DPP6: variants seen among roughly 807,000 people sequenced by gnomAD.
DPP6 encodes the protein dipeptidyl peptidase like 6.
A neutral mutation model predicts 122.6 loss-of-function variants in DPP6; 69 were observed. The observed-to-expected ratio is 0.56, with a 90% CI of 0.46 to 0.69. DPP6 has a LOEUF of 0.69. DPP6 is among the 30% of genes least tolerant of loss of function. The pLI is 0.00. For missense variants in DPP6, 928 were observed against 1,116.9 expected (o/e 0.83, Z 2.41); for synonymous variants, 418 against 433.1 (o/e 0.97, Z 0.43).
At chr7:153,784,496 T>C in the DPP6 span, among the ~76,000 whole-genome samples, 1 of 152,236 alleles carries the variant, frequency 6.6e-6, no homozygotes, top group Non-Finnish European at 1.5e-5. Context: ...TAGTCCTGAA[T>C]GTTTTAGTTC....
chr7:153,980,582 C>T (rs1285767491), intron 1 of DPP6, among the ~76,000 whole-genome samples: 1 of 152,098 alleles, frequency 6.6e-6, no homozygotes, highest in Non-Finnish European at 1.5e-5. Context: ...TTACTGTCTT[C>T]TGCTAGCTTT....
chr7:154,715,738 T>C (rs1841448733), intron 7 of DPP6, among the ~76,000 whole-genome samples: 1 of 152,140 alleles, frequency 6.6e-6, no homozygotes, highest in Non-Finnish European at 1.5e-5. Context: ...TTGAGGGACT[T>C]TATGTTGTAT....
intron 1 of DPP6, among the ~76,000 whole-genome samples, chr7:154,326,874 A>C (rs967052152): frequency 6.6e-6 from 1 of 152,174 alleles, no homozygotes; most frequent in South Asian, 2.1e-4. Context: ...TTTCCTCTTG[A>C]TTTCCTACAA....
At chr7:154,228,307 C>A (rs1800726293) in intron 1 of DPP6, among the ~76,000 whole-genome samples, 1 of 152,174 alleles carries the variant, frequency 6.6e-6, no homozygotes, top group South Asian at 2.1e-4. Flanking sequence ...TCCATTCTTT[C>A]CTTCTGCAAG....
the DPP6 span, among the ~76,000 whole-genome samples, chr7:153,832,994 A>T: frequency 6.6e-6 from 1 of 152,176 alleles, no homozygotes; most frequent in East Asian, 1.9e-4. Flanking sequence ...TTATTTCTCA[A>T]TGTGACACAG....
At chr7:154,787,895 G>A (rs967978049) in intron 10 of DPP6, among the ~76,000 whole-genome samples, 1 of 151,912 alleles carries the variant, frequency 6.6e-6, no homozygotes, top group African/African-American at 2.4e-5. Context: ...ATTTCATCAT[G>A]TGTAATGCTG....
At chr7:154,575,859 T>C (rs1831638201) in intron 5 of DPP6, among the ~76,000 whole-genome samples, 2 of 151,792 alleles carry the variant, frequency 1.3e-5, no homozygotes, top group Admixed American at 1.3e-4. Flanking sequence ...TTGGAGGATT[T>C]TACTTACCTG....
Position 154,052,858 on chromosome 7 carries a change from A to C in DPP6, c.38A>C (p.Asn13Thr), listed in dbSNP as rs1232613858. ...SLYQRFTGKINTSRSFPAPPE... is the reference protein window; with the variant it reads ...SLYQRFTGKITTSRSFPAPPE... ...TACCAGAGGTTCACTGGCAAGATCA[A>C]CACCTCGAGGTCCTTCCCCGCGCCC... is the stretch of plus-strand genomic sequence containing the variant. Residue 13 changes from asparagine (N) to threonine (T), a missense_variant, in exon 1 of 26, where the codon AAC (asparagine) becomes ACC (threonine). By Grantham distance (65) the Asn-to-Thr change is moderately conservative. Transcript: ENST00000377770. This position sits in a 1 kb window ranked among gnomAD's most constrained non-coding sequence, Gnocchi z 4.8. The C allele has an allele frequency of 6.5e-7, 1 of 1,537,772 alleles. No homozygotes were observed. The highest frequency in any genetic ancestry group is 2.0e-5 in the Admixed American group (1 of 50,702).
intron 1 of DPP6, among the ~76,000 whole-genome samples, chr7:153,948,387 G>A (rs765075243): frequency 8.6e-5 from 13 of 152,000 alleles, no homozygotes; most frequent in Non-Finnish European, 1.9e-4. Flanking sequence ...GATAGTCAAT[G>A]GTACATGATG....
intron 5 of DPP6, among the ~76,000 whole-genome samples, chr7:154,584,327 C>G (rs1265451897): frequency 6.6e-6 from 1 of 152,260 alleles, no homozygotes; most frequent in Non-Finnish European, 1.5e-5. Context: ...GCCTCTTCAG[C>G]AGCAGGCCTT....
chr7:154,795,938 G>A, intron 12 of DPP6, 55 bp downstream of exon 12: 1 of 1,576,680 alleles, frequency 6.3e-7, no homozygotes, highest in Non-Finnish European at 8.6e-7. Flanking sequence ...CCACCCCAGG[G>A]CTGGCCCTCA....
At chr7:153,766,972 G>T in the DPP6 span, among the ~76,000 whole-genome samples, 1 of 152,178 alleles carries the variant, frequency 6.6e-6, no homozygotes, top group Non-Finnish European at 1.5e-5. Context: ...CTATGGGGTT[G>T]TGGGTTGTGG....
intron 1 of DPP6, among the ~76,000 whole-genome samples, chr7:154,202,205 T>C (rs1799210745): frequency 6.6e-6 from 1 of 152,188 alleles, no homozygotes; most frequent in Non-Finnish European, 1.5e-5. Context: ...GCCTGGTGTG[T>C]TCTGGGAATG....
chr7:153,952,927 A>G (rs1476444581), intron 1 of DPP6, among the ~76,000 whole-genome samples: 2 of 152,250 alleles, frequency 1.3e-5, no homozygotes, highest in Non-Finnish European at 2.9e-5. Flanking sequence ...AAATCTTTGC[A>G]TAGTCAAGCA....
intron 1 of DPP6, among the ~76,000 whole-genome samples, chr7:153,891,706 T>C (rs1799212116): frequency 6.6e-6 from 1 of 152,174 alleles, no homozygotes; most frequent in Admixed American, 6.5e-5. Context: ...TTTTCAGACA[T>C]TGAGTTGCTT....
intron 5 of DPP6, among the ~76,000 whole-genome samples, chr7:154,625,810 C>T (rs114976485): frequency 6.6e-6 from 1 of 152,234 alleles, no homozygotes; most frequent in African/African-American, 2.4e-5. Context: ...TTCAGCTGCC[C>T]TCAGTCCTTC....
chr7:154,499,644 A>G (rs1825055647), intron 3 of DPP6, among the ~76,000 whole-genome samples: 1 of 148,272 alleles, frequency 6.7e-6, no homozygotes, highest in African/African-American at 2.7e-5. Flanking sequence ...TGTGATGTTT[A>G]AAATTAGGGA....
chr7:154,675,672 T>C (rs531314641), intron 7 of DPP6, among the ~76,000 whole-genome samples: 2 of 152,296 alleles, frequency 1.3e-5, no homozygotes, highest in South Asian at 2.1e-4. Flanking sequence ...AAGAAGGACA[T>C]GGTCCCTTTC....
chr7:154,716,196 T>A (rs538012824), intron 7 of DPP6, among the ~76,000 whole-genome samples: 1 of 152,332 alleles, frequency 6.6e-6, no homozygotes, highest in East Asian at 1.9e-4. Flanking sequence ...TCTGATTTTC[T>A]GGCTCTTCTA....
Sources: gnomAD v4.1 joint callset for allele counts (sites outside exome capture counted in the v4.1 genomes callset) on GRCh38, gnomAD v4.1.1 for gene constraint, Gnocchi (gnomAD v3.1) non-coding constraint, MANE v1.5 for transcripts, NCBI Gene and HGNC (gene_info 2026-07-23, HGNC 2026-07-21) for gene names.